STAG1: variants seen among roughly 807,000 people sequenced by gnomAD.
STAG1 encodes STAG1 cohesin complex component.
In STAG1, 26 loss-of-function variants were observed where a neutral mutation model predicts 170.9. The ratio of observed to expected loss-of-function variants is 0.15; its 90% confidence interval spans 0.11 to 0.21. The LOEUF is 0.21. STAG1 is among the 10% of genes least tolerant of loss of function. The pLI is 1.00. For missense variants in STAG1, 964 were observed against 1,509.5 expected (o/e 0.64, Z 5.99); for synonymous variants, 514 against 497.7 (o/e 1.03, Z -0.44).
intron 5 of STAG1, among the ~76,000 whole-genome samples, chr3:136,563,066 T>A (rs1002251140): frequency 6.6e-6 from 1 of 152,348 alleles, no homozygotes; most frequent in South Asian, 2.1e-4. Flanking sequence ...AGAAAGCACA[T>A]GATAGCAATT....
intron 1 of STAG1, among the ~76,000 whole-genome samples, chr3:136,637,890 A>C (rs1474079224): frequency 6.7e-6 from 1 of 150,088 alleles, no homozygotes; most frequent in Non-Finnish European, 1.5e-5. Flanking sequence ...TTTTTTTTTA[A>C]GATGGGAGGT....
chr3:136,708,001 T>G (rs938418113), intron 1 of STAG1, among the ~76,000 whole-genome samples: 1 of 151,920 alleles, frequency 6.6e-6, no homozygotes, highest in Non-Finnish European at 1.5e-5. Context: ...AAACAGCAAG[T>G]GTTAGCAAGG....
At chr3:136,536,969 A>G (rs1935664288) in intron 6 of STAG1, among the ~76,000 whole-genome samples, 1 of 152,148 alleles carries the variant, frequency 6.6e-6, no homozygotes, top group South Asian at 2.1e-4. Flanking sequence ...ACTATTCAAC[A>G]TTTGCTCTTG....
intron 1 of STAG1, among the ~76,000 whole-genome samples, chr3:136,686,522 C>A (rs901619414): frequency 2.0e-5 from 3 of 152,146 alleles, no homozygotes; most frequent in Non-Finnish European, 4.4e-5. Context: ...CGCCTCGAAC[C>A]GTTAGGCCAA....
chr3:136,370,162 T>C (rs1560064629), intron 23 of STAG1, among the ~76,000 whole-genome samples: 2 of 151,988 alleles, frequency 1.3e-5, no homozygotes, highest in Non-Finnish European at 2.9e-5. Flanking sequence ...AAAAATTAAC[T>C]GTGAAACATC....
intron 3 of STAG1, 97 bp downstream of exon 3, chr3:136,623,049 T>A (rs1214018594): frequency 5.1e-5 from 51 of 1,009,062 alleles, no homozygotes; most frequent in East Asian, 2.7e-5. Flanking sequence ...GAATTTTTTT[T>A]AAGTATTAAC....
intron 7 of STAG1, among the ~76,000 whole-genome samples, chr3:136,513,866 C>T (rs1194581141): frequency 6.6e-6 from 1 of 151,746 alleles, no homozygotes; most frequent in African/African-American, 2.4e-5. Context: ...ACAAAAAATT[C>T]AAACAGCAGA....
At chr3:136,659,240 T>C (rs915264575) in intron 1 of STAG1, among the ~76,000 whole-genome samples, 3 of 152,216 alleles carry the variant, frequency 2.0e-5, no homozygotes, top group African/African-American at 7.2e-5. Flanking sequence ...AAAATTATTT[T>C]TCCAAAAATT....
chr3:136,737,149 C>G lies in STAG1; in HGVS notation c.-84+15046G>C, dbSNP rs932408308. On this transcript the variant is annotated intron_variant, in intron 1 of 33. Transcript: ENST00000383202. ...CACGTTAGAACCAAGTCTCTCTTCT[C>G]TATTTGTTTCACCTCACTGTAGAAG... 8.9e-6 allele frequency: 7 copies of G among 783,518 alleles called. No individual in the cohort carries two copies. The African/African-American group carries it at 1.2e-4, about 13-fold the overall frequency. 48.5% of individuals were successfully genotyped at this position (783,518 alleles called of 1,614,324 possible). A position where few individuals can be genotyped will look rare whatever the true frequency, so the allele number is the denominator to read the frequency against.
chr3:136,519,677 T>TGGTCA (rs1335043273), intron 7 of STAG1, among the ~76,000 whole-genome samples: 7 of 151,876 alleles, frequency 4.6e-5, no homozygotes, highest in African/African-American at 9.7e-5. Flanking sequence ...CAGAGGATAC[T>TGGTCA]ACGAAAGGTT....
intron 1 of STAG1, among the ~76,000 whole-genome samples, chr3:136,653,847 C>T (rs1941290871): frequency 6.6e-6 from 1 of 152,260 alleles, no homozygotes; most frequent in East Asian, 1.9e-4. Context: ...TATACAAAAA[C>T]TAATCAATGT....
At chr3:136,639,946 A>C (rs1456259037) in intron 1 of STAG1, among the ~76,000 whole-genome samples, 2 of 152,178 alleles carry the variant, frequency 1.3e-5, no homozygotes, top group Non-Finnish European at 2.9e-5. Flanking sequence ...ATAAACACTA[A>C]AATTTCTCCC....
chr3:136,466,362 G>C (rs1479575102), intron 12 of STAG1, among the ~76,000 whole-genome samples: 1 of 152,218 alleles, frequency 6.6e-6, no homozygotes, highest in Non-Finnish European at 1.5e-5. Context: ...GAATGCACAA[G>C]CTTCAGTAGC....
chr3:136,388,333 A>T (rs563466597), intron 22 of STAG1, among the ~76,000 whole-genome samples: 1 of 152,256 alleles, frequency 6.6e-6, no homozygotes, highest in Non-Finnish European at 1.5e-5. Flanking sequence ...ACACACACAC[A>T]AAATGCTGGA....
Position 136,502,777 on chromosome 3 carries a change from T to G in STAG1, c.679A>C (p.Met227Leu), listed in dbSNP as rs1271205593. 6.3e-7 allele frequency: 1 copy of G among 1,587,876 alleles called. No homozygotes were observed. The highest frequency in any genetic ancestry group is 1.4e-5 in the African/African-American group (1 of 73,804). The change falls in exon 8 of 34, where the codon ATG becomes CTG. Residue 227 changes from methionine (M) to leucine (L), a missense_variant and splice_region_variant. By Grantham distance (15) the Met-to-Leu change is conservative. Around this residue, in one of 11 missense-constraint regions of STAG1, gnomAD observed 57 missense variants for 157.6 expected, o/e 0.36. Coordinates refer to ENST00000383202, the MANE Select transcript of STAG1 (RefSeq NM_005862.3). ...AFRHTSTLAAMKLMTALVNVA... is the reference protein window; with the variant it reads ...AFRHTSTLAALKLMTALVNVA... ...TTCACCAGAGCAGTCATGAGCTTCA[T>G]GGCTATGAAATGAAGAAATATTATA... is the stretch of plus-strand genomic sequence containing the variant.
At chr3:136,519,350 ATTTTTGT>A (rs1934548156) in intron 7 of STAG1, among the ~76,000 whole-genome samples, 1 of 152,096 alleles carries the variant, frequency 6.6e-6, no homozygotes, top group South Asian at 2.1e-4. Context: ...CTGTAAACTA[ATTTTTGT>A]GTCTTCTTCT....
At chr3:136,632,573 C>T (rs1940372806) in intron 1 of STAG1, among the ~76,000 whole-genome samples, 1 of 152,008 alleles carries the variant, frequency 6.6e-6, no homozygotes, top group Non-Finnish European at 1.5e-5. Flanking sequence ...CATAAGCTCT[C>T]TGGGGTAAGA....
At chr3:136,592,733 C>T (rs955297438) in intron 4 of STAG1, among the ~76,000 whole-genome samples, 4 of 152,142 alleles carry the variant, frequency 2.6e-5, no homozygotes. Flanking sequence ...AATTTCTTAT[C>T]CACATAGAGA....
At chr3:136,701,294 T>A (rs1231800824) in intron 1 of STAG1, among the ~76,000 whole-genome samples, 1 of 152,158 alleles carries the variant, frequency 6.6e-6, no homozygotes, top group Non-Finnish European at 1.5e-5. Context: ...AGGAAAAACA[T>A]ATTAAAATAC....
Sources: allele counts gnomAD v4.1 joint callset (sites outside exome capture counted in the v4.1 genomes callset), GRCh38; gene constraint gnomAD v4.1.1; regional missense constraint gnomAD v4.1.1; transcripts MANE v1.5; gene names NCBI Gene and HGNC (gene_info 2026-07-23, HGNC 2026-07-21).